The following KCNK2 variants were observed in gnomAD, a reference collection of about 807,000 sequenced individuals.
KCNK2 encodes the protein potassium two pore domain channel subfamily K member 2, also known as potassium channel subfamily K member 2.
A neutral mutation model predicts 40.5 loss-of-function variants in KCNK2; 21 were observed. That is an observed-to-expected ratio of 0.52 (90% CI 0.37 to 0.75). KCNK2 has a LOEUF of 0.75. KCNK2 is among the 30% of genes least tolerant of loss of function. KCNK2 has a pLI of 0.00. For synonymous variants in KCNK2, 191 were observed against 202.2 expected (o/e 0.94, Z 0.47); for missense variants, 399 against 531.6 (o/e 0.75, Z 2.45).
At chr1:215,037,308 T>TATTTCAATG (rs1657421894) in intron 1 of KCNK2, among the ~76,000 whole-genome samples, 1 of 151,962 alleles carries the variant, frequency 6.6e-6, no homozygotes, top group Admixed American at 6.6e-5. Flanking sequence ...TATCCTTTAT[T>TATTTCAATG]ATTTCAATGA....
chr1:215,230,528 T>TATACACATAACAACC (rs1553276494), intron 6 of KCNK2, among the ~76,000 whole-genome samples: 1 of 87,980 alleles, frequency 1.1e-5, no homozygotes, highest in Non-Finnish European at 2.0e-5. Flanking sequence ...TATATATATA[T>TATACACATAACAACC]ATATGTATAT....
At chr1:215,158,241 AGACAAGGGACTT>A (rs1231454870) in intron 3 of KCNK2, among the ~76,000 whole-genome samples, 1 of 152,206 alleles carries the variant, frequency 6.6e-6, no homozygotes, top group Admixed American at 6.5e-5. Context: ...TCCCACATCC[AGACAAGGGACTT>A]GTCTCCATTT....
chr1:215,008,490 A>G (rs1172995174), intron 1 of KCNK2, among the ~76,000 whole-genome samples: 3 of 152,142 alleles, frequency 2.0e-5, no homozygotes, highest in Non-Finnish European at 2.9e-5. Context: ...CCCCCTACTT[A>G]TAAACAGAGT....
intron 1 of KCNK2, among the ~76,000 whole-genome samples, chr1:215,007,306 C>G (rs1656217044): frequency 6.9e-6 from 1 of 145,346 alleles, no homozygotes; most frequent in Non-Finnish European, 1.5e-5. Flanking sequence ...TCTGGAGCCC[C>G]CTTTGCTGAG....
At chr1:215,146,965 C>T (rs1000377060) in intron 3 of KCNK2, among the ~76,000 whole-genome samples, 5 of 152,036 alleles carry the variant, frequency 3.3e-5, no homozygotes, top group South Asian at 2.1e-4. Context: ...AAGAAATATT[C>T]GCAATTACCC....
At chr1:215,021,966 G>A (rs377133508) in intron 1 of KCNK2, among the ~76,000 whole-genome samples, 1 of 152,104 alleles carries the variant, frequency 6.6e-6, no homozygotes. Context: ...GAGACTTACA[G>A]CACTGGCTGC....
At chr1:215,117,147 A>G (rs960302448) in intron 2 of KCNK2, among the ~76,000 whole-genome samples, 7 of 152,096 alleles carry the variant, frequency 4.6e-5, no homozygotes, top group African/African-American at 9.7e-5. Flanking sequence ...AACAAGTACC[A>G]TGTCCATATA....
chr1:215,023,750 C>A (rs976396309), intron 1 of KCNK2, among the ~76,000 whole-genome samples: 5 of 152,144 alleles, frequency 3.3e-5, no homozygotes, highest in Admixed American at 2.6e-4. Flanking sequence ...TTTGGGTTTG[C>A]AAAACACTTG....
At chr1:215,012,651 T>G (rs1006834330) in intron 1 of KCNK2, among the ~76,000 whole-genome samples, 3 of 150,728 alleles carry the variant, frequency 2.0e-5, no homozygotes, top group African/African-American at 4.9e-5. Context: ...TTTTAGTTTT[T>G]TTTTTTTTTT....
intron 3 of KCNK2, among the ~76,000 whole-genome samples, chr1:215,149,043 T>G (rs145286764): frequency 1.3e-5 from 2 of 152,168 alleles, no homozygotes; most frequent in African/African-American, 4.8e-5. Flanking sequence ...TGAACGATTT[T>G]GGAACACTTA....
chr1:215,075,853 C>T (rs540536003), intron 1 of KCNK2, among the ~76,000 whole-genome samples: 12 of 152,314 alleles, frequency 7.9e-5, no homozygotes, highest in African/African-American at 9.6e-5. Context: ...TCCTGCCTCT[C>T]ATCCAGTGGT....
chr1:215,224,935 G>A (rs1666324025), intron 6 of KCNK2, among the ~76,000 whole-genome samples: 1 of 152,008 alleles, frequency 6.6e-6, no homozygotes, highest in African/African-American at 2.4e-5. Context: ...TGATACTTGG[G>A]TTGCGTTGAG....
At chr1:215,021,556 T>TTC (rs1558059367) in intron 1 of KCNK2, among the ~76,000 whole-genome samples, 4 of 84,624 alleles carry the variant, frequency 4.7e-5, no homozygotes, top group Admixed American at 1.2e-4. Context: ...TTTTTTTTTT[T>TTC]TTTTTTTGAG....
At chr1:215,083,473 G>A in intron 1 of KCNK2, 42 bp downstream of exon 1, 1 of 1,434,134 alleles carries the variant, frequency 7.0e-7, no homozygotes, top group Non-Finnish European at 9.8e-7. Context: ...CTGGCCGCAC[G>A]CTCTCCTGCC....
At chr1:215,043,858 A>C (rs1169761656) in intron 1 of KCNK2, among the ~76,000 whole-genome samples, 1 of 152,190 alleles carries the variant, frequency 6.6e-6, no homozygotes, top group South Asian at 2.1e-4. Flanking sequence ...AGTAAACAAA[A>C]AGTTAGATTC....
intron 3 of KCNK2, among the ~76,000 whole-genome samples, chr1:215,125,093 G>A (rs1159558570): frequency 6.6e-6 from 1 of 152,032 alleles, no homozygotes; most frequent in Admixed American, 6.6e-5. Flanking sequence ...TTTTTGTGTA[G>A]CAATTTTGAC....
intron 1 of KCNK2, among the ~76,000 whole-genome samples, chr1:215,069,574 C>G (rs1368110004): frequency 6.6e-6 from 1 of 152,110 alleles, no homozygotes; most frequent in Non-Finnish European, 1.5e-5. Context: ...TTAATAGTGA[C>G]TAATGTTTAT....
chr1:215,070,439 A>G (rs957467535), intron 1 of KCNK2, among the ~76,000 whole-genome samples: 1 of 122,926 alleles, frequency 8.1e-6, no homozygotes, highest in Non-Finnish European at 1.8e-5. Flanking sequence ...AAAAAAAAAA[A>G]AGGAAAGAGG....
chr1:215,051,900 TA>T (rs930931970), intron 1 of KCNK2, among the ~76,000 whole-genome samples: 23 of 152,142 alleles, frequency 1.5e-4, no homozygotes, highest in Admixed American at 2.6e-4. Context: ...TTTGGTAATA[TA>T]AAAACAAGAT....
Sources: gnomAD v4.1 joint callset for allele counts (sites outside exome capture counted in the v4.1 genomes callset) on GRCh38, gnomAD v4.1.1 for gene constraint, MANE v1.5 for transcripts, NCBI Gene and HGNC (gene_info 2026-07-23, HGNC 2026-07-21) for gene names.